UGT8: variants seen among roughly 807,000 people sequenced by gnomAD.
The protein encoded by UGT8 is 2-hydroxyacylsphingosine 1-beta-galactosyltransferase.
Under a neutral mutation model 40.5 loss-of-function variants are expected in UGT8, and 12 were observed. That is an observed-to-expected ratio of 0.30 (90% CI 0.19 to 0.48). The LOEUF (loss-of-function observed/expected upper bound fraction) is 0.48, where lower values mean the gene tolerates loss of function less well. UGT8 is among the 20% of genes least tolerant of loss of function. UGT8 has a pLI of 0.99. For missense variants in UGT8, 513 were observed against 648.7 expected (o/e 0.79, Z 2.27); for synonymous variants, 224 against 240.4 (o/e 0.93, Z 0.63).
intron 1 of UGT8, among the ~76,000 whole-genome samples, chr4:114,615,716 C>T (rs571085329): frequency 1.3e-5 from 2 of 152,236 alleles, no homozygotes; most frequent in African/African-American, 4.8e-5. Flanking sequence ...AGTGAAACTC[C>T]AAGGGCATAC....
chr4:114,643,621 C>T (rs1022590084), intron 2 of UGT8, among the ~76,000 whole-genome samples: 2 of 152,098 alleles, frequency 1.3e-5, no homozygotes, highest in African/African-American at 4.8e-5. Flanking sequence ...ATGTATTTGG[C>T]ATTATGCACA....
At chr4:114,610,252 A>G (rs191381958) in intron 1 of UGT8, among the ~76,000 whole-genome samples, 9 of 152,306 alleles carry the variant, frequency 5.9e-5, no homozygotes, top group Non-Finnish European at 1.2e-4. Context: ...CAACCACCCC[A>G]TAGAGACTTT....
intron 1 of UGT8, among the ~76,000 whole-genome samples, chr4:114,607,500 AT>A (rs1042628073): frequency 1.4e-4 from 21 of 151,912 alleles, no homozygotes; most frequent in African/African-American, 5.1e-4. Context: ...TTTTATTAAC[AT>A]CTTTTGTCCC....
At chr4:114,644,256 T>A (rs1388738617) in intron 2 of UGT8, among the ~76,000 whole-genome samples, 1 of 152,134 alleles carries the variant, frequency 6.6e-6, no homozygotes, top group Non-Finnish European at 1.5e-5. Flanking sequence ...AGTGCTATAA[T>A]TAATTATAGC....
chr4:114,665,969 T>G (rs962839613), intron 4 of UGT8, among the ~76,000 whole-genome samples: 7 of 152,136 alleles, frequency 4.6e-5, no homozygotes, highest in African/African-American at 1.7e-4. Context: ...TTGTAAAATG[T>G]AAACCTTTGG....
intron 1 of UGT8, among the ~76,000 whole-genome samples, chr4:114,606,644 G>T (rs1730751807): frequency 6.6e-6 from 1 of 152,160 alleles, no homozygotes; most frequent in Non-Finnish European, 1.5e-5. Flanking sequence ...TGTTGGTTTT[G>T]AAAATACTTT....
intron 1 of UGT8, among the ~76,000 whole-genome samples, chr4:114,620,029 A>G (rs1267358197): frequency 6.6e-6 from 1 of 151,922 alleles, no homozygotes; most frequent in Non-Finnish European, 1.5e-5. Flanking sequence ...ATTCTAAAAT[A>G]TAAGCAGTTC....
intron 1 of UGT8, among the ~76,000 whole-genome samples, chr4:114,614,494 G>T (rs747085654): frequency 6.6e-6 from 1 of 152,052 alleles, no homozygotes; most frequent in Non-Finnish European, 1.5e-5. Context: ...AAATGAGTTT[G>T]TTATCAGGCA....
intron 1 of UGT8, among the ~76,000 whole-genome samples, chr4:114,619,018 T>G (rs1330443100): frequency 2.6e-5 from 4 of 152,134 alleles, no homozygotes; most frequent in Non-Finnish European, 5.9e-5. Context: ...GGTTTTAAAA[T>G]ATGTTTTAAG....
At chr4:114,667,169 C>T (rs190742855) in intron 4 of UGT8, among the ~76,000 whole-genome samples, 1 of 152,284 alleles carries the variant, frequency 6.6e-6, no homozygotes, top group African/African-American at 2.4e-5. Flanking sequence ...TTCCACCAGT[C>T]TTCAGAATGG....
At chr4:114,630,567 T>C (rs1056609878) in intron 2 of UGT8, among the ~76,000 whole-genome samples, 1 of 152,102 alleles carries the variant, frequency 6.6e-6, no homozygotes, top group African/African-American at 2.4e-5. Flanking sequence ...GTAGGAGGGA[T>C]GTGGAGCATC....
chr4:114,656,443 A>G (rs553517601), intron 2 of UGT8, among the ~76,000 whole-genome samples: 35 of 152,284 alleles, frequency 2.3e-4, no homozygotes, highest in African/African-American at 8.2e-4. Flanking sequence ...TTCTAGGGAA[A>G]CGACAGTGTT....
chr4:114,620,456 G>A (rs1289853041), intron 1 of UGT8, among the ~76,000 whole-genome samples: 1 of 152,178 alleles, frequency 6.6e-6, no homozygotes, highest in African/African-American at 2.4e-5. Flanking sequence ...CATAGGTGAG[G>A]CAGTACAGTA....
chr4:114,655,888 C>G (rs1734157047), intron 2 of UGT8, among the ~76,000 whole-genome samples: 1 of 152,082 alleles, frequency 6.6e-6, no homozygotes, highest in East Asian at 1.9e-4. Context: ...TAGGCTCCTT[C>G]TTGAACACTT....
At chr4:114,621,168 A>G (rs1303655375) in intron 1 of UGT8, among the ~76,000 whole-genome samples, 1 of 152,294 alleles carries the variant, frequency 6.6e-6, no homozygotes, top group East Asian at 1.9e-4. Context: ...AGGTAGGAGA[A>G]GTACTGGCCC....
At chr4:114,669,957 T>C (rs139106217) in intron 5 of UGT8, among the ~76,000 whole-genome samples, 1 of 152,192 alleles carries the variant, frequency 6.6e-6, no homozygotes, top group Non-Finnish European at 1.5e-5. Flanking sequence ...TATTCCACAT[T>C]TAACAGGTGA....
intron 2 of UGT8, chr4:114,663,688 T>C: frequency 1.0e-6 from 1 of 985,196 alleles, no homozygotes; most frequent in Non-Finnish European, 1.2e-6. Context: ...TTTCTGAACA[T>C]GCATCAGTTG....
intron 1 of UGT8, among the ~76,000 whole-genome samples, chr4:114,602,553 T>C (rs1443140631): frequency 6.6e-6 from 1 of 152,230 alleles, no homozygotes; most frequent in Non-Finnish European, 1.5e-5. Flanking sequence ...CAAATATTTG[T>C]TAAAAGCATA....
At chr4:114,637,106 T>C (rs957553221) in intron 2 of UGT8, among the ~76,000 whole-genome samples, 13 of 152,280 alleles carry the variant, frequency 8.5e-5, no homozygotes, top group African/African-American at 1.9e-4. Flanking sequence ...AGAGAGGTAA[T>C]GGTTCCAGAG....
Sources: allele counts gnomAD v4.1 joint callset (sites outside exome capture counted in the v4.1 genomes callset), GRCh38; gene constraint gnomAD v4.1.1; transcripts MANE v1.5; gene names NCBI Gene and HGNC (gene_info 2026-07-23, HGNC 2026-07-21).